Variants in POU2F1 observed in about 807,000 individuals in gnomAD.
The protein encoded by POU2F1 is POU class 2 homeobox 1.
POU2F1 carries 16 observed loss-of-function variants against 84.9 expected under a neutral mutation model. The ratio of observed to expected loss-of-function variants is 0.19; its 90% CI spans 0.13 to 0.29. POU2F1 has a LOEUF of 0.29. POU2F1 is among the 10% of genes least tolerant of loss of function. POU2F1 has a pLI of 1.00. For synonymous variants in POU2F1, 368 were observed against 368.3 expected (o/e 1.00, Z 0.01); for missense variants, 738 against 942.6 (o/e 0.78, Z 2.84).
intron 1 of POU2F1, among the ~76,000 whole-genome samples, chr1:167,290,661 G>A (rs1241036778): frequency 6.6e-6 from 1 of 152,206 alleles, no homozygotes; most frequent in South Asian, 2.1e-4. Flanking sequence ...GTGAGTGAAT[G>A]TGTGAACATT....
At chr1:167,282,440 G>A (rs1440697222) in intron 1 of POU2F1, among the ~76,000 whole-genome samples, 2 of 152,094 alleles carry the variant, frequency 1.3e-5, no homozygotes, top group Non-Finnish European at 1.5e-5. Flanking sequence ...TACCGCGCCT[G>A]GCCAAAAATT....
chr1:167,351,813 C>G (rs1384147968), intron 2 of POU2F1, among the ~76,000 whole-genome samples: 8 of 152,128 alleles, frequency 5.3e-5, no homozygotes, highest in African/African-American at 1.9e-4. Context: ...TGACTCTCCT[C>G]TCCTCCCTCC....
intron 12 of POU2F1, 36 bp from the exon 13 acceptor site, chr1:167,401,415 A>T: frequency 7.0e-7 from 1 of 1,425,448 alleles, no homozygotes; most frequent in Non-Finnish European, 9.8e-7. Flanking sequence ...TTTTGATTTT[A>T]AGTGCTTTGT....
chr1:167,302,885 T>C (rs1251393700), intron 1 of POU2F1, among the ~76,000 whole-genome samples: 4 of 152,234 alleles, frequency 2.6e-5, no homozygotes. Context: ...ATTCTATCGA[T>C]GAGGATTCTG....
rs567459164 is a variant in POU2F1 at position 167,317,750 on chromosome 1, A to G, written c.62-14720A>G. ...ACCAACAACCTTCAGCATTGGCATC[A>G]TAGCCATCACAAGCATGTCACAGTG... On this transcript the variant is annotated intron_variant, in intron 1 of 15. Transcript: ENST00000367866. 2.6e-5 allele frequency among the ~76,000 whole-genome samples: 4 copies of G among 152,340 alleles called. No individual in the cohort carries two copies. In the South Asian group the frequency reaches 8.3e-4, roughly 32 times the overall value.
chr1:167,287,813 G>A (rs1295876757), intron 1 of POU2F1, among the ~76,000 whole-genome samples: 1 of 152,130 alleles, frequency 6.6e-6, no homozygotes, highest in Admixed American at 6.5e-5. Flanking sequence ...CTCCAAGCGA[G>A]ATAGGTAAAA....
intron 1 of POU2F1, 134 bp downstream of exon 1, chr1:167,221,092 A>AGATGGGGGGCC: frequency 1.2e-6 from 1 of 841,972 alleles, no homozygotes; most frequent in Admixed American, 2.2e-5. Flanking sequence ...GGGGCCGGGG[A>AGATGGGGGGCC]GCATTGAGCC....
intron 1 of POU2F1, among the ~76,000 whole-genome samples, chr1:167,229,482 C>T (rs111892142): frequency 3.3e-5 from 5 of 152,196 alleles, no homozygotes; most frequent in African/African-American, 1.2e-4. Flanking sequence ...TATGCTCATG[C>T]CACTGTGCGT....
chr1:167,349,990 A>G (rs1658449416), intron 2 of POU2F1, among the ~76,000 whole-genome samples: 1 of 152,248 alleles, frequency 6.6e-6, no homozygotes, highest in African/African-American at 2.4e-5. Flanking sequence ...AAGATTTAAG[A>G]AAACAGCTGA....
intron 13 of POU2F1, among the ~76,000 whole-genome samples, chr1:167,404,377 C>T (rs1649412335): frequency 6.6e-6 from 1 of 152,086 alleles, no homozygotes; most frequent in African/African-American, 2.4e-5. Flanking sequence ...AGTCCCCTCC[C>T]CTGAATGGAA....
chr1:167,243,498 G>A (rs540317713), intron 1 of POU2F1, among the ~76,000 whole-genome samples: 15 of 151,868 alleles, frequency 9.9e-5, no homozygotes, highest in Admixed American at 5.9e-4. Flanking sequence ...TTTTTGAGAC[G>A]GAGTCTCGCT....
chr1:167,264,425 A>G (rs1350205124), intron 1 of POU2F1, among the ~76,000 whole-genome samples: 3 of 152,306 alleles, frequency 2.0e-5, no homozygotes, highest in Admixed American at 1.3e-4. Flanking sequence ...TATTTTGATT[A>G]CTGAGGAGTA....
intron 1 of POU2F1, among the ~76,000 whole-genome samples, chr1:167,267,875 C>T (rs1271952651): frequency 2.6e-5 from 4 of 152,016 alleles, no homozygotes; most frequent in African/African-American, 9.7e-5. Context: ...CTCCTGACCT[C>T]ATGATCTGCC....
intron 1 of POU2F1, among the ~76,000 whole-genome samples, chr1:167,275,031 T>A (rs1557862062): frequency 3.3e-5 from 4 of 120,540 alleles, no homozygotes. Context: ...CAAATAAATG[T>A]ATTTTTTTTT....
At chr1:167,278,655 G>A (rs1438976702) in intron 1 of POU2F1, among the ~76,000 whole-genome samples, 1 of 152,160 alleles carries the variant, frequency 6.6e-6, no homozygotes, top group Non-Finnish European at 1.5e-5. Context: ...TGTTCAGATT[G>A]TCTGGGAACT....
chr1:167,275,158 G>A (rs1652641121), intron 1 of POU2F1, among the ~76,000 whole-genome samples: 2 of 150,960 alleles, frequency 1.3e-5, no homozygotes, highest in African/African-American at 2.4e-5. Flanking sequence ...CCCAGTAGCT[G>A]AGACTACAGG....
At chr1:167,265,192 G>A (rs1213664509) in intron 1 of POU2F1, among the ~76,000 whole-genome samples, 1 of 152,218 alleles carries the variant, frequency 6.6e-6, no homozygotes, top group East Asian at 1.9e-4. Flanking sequence ...GCTTGGTGGA[G>A]TCTAGAGTAG....
rs1243946239 is a variant in POU2F1, at chr1:167,423,082, C to G, written c.*7272C>G. On this transcript the variant is annotated 3_prime_UTR_variant, in exon 16 of 16. Coordinates refer to ENST00000367866, the MANE Select transcript of POU2F1 (RefSeq NM_002697.4). ...TTTATCTAATACTTTTAAATAGAAC[C>G]AACACAGCCTATATGAGTTCAGACA... 6.6e-6 allele frequency: 1 copy of G among 152,108 alleles called. No individual in the cohort carries two copies. The highest frequency in any genetic ancestry group is 1.5e-5 in the Non-Finnish European group (1 of 68,022). 9.4% of individuals were successfully genotyped at this position (152,108 alleles called of 1,614,324 possible).
chr1:167,359,688 T>C (rs182751616), intron 2 of POU2F1, among the ~76,000 whole-genome samples: 19 of 152,284 alleles, frequency 1.2e-4, no homozygotes, highest in Non-Finnish European at 2.2e-4. Flanking sequence ...TTTCTTTGGG[T>C]ATATATCCAG....
Sources: allele counts gnomAD v4.1 joint callset (sites outside exome capture counted in the v4.1 genomes callset), GRCh38; gene constraint gnomAD v4.1.1; transcripts MANE v1.5; gene names NCBI Gene and HGNC (gene_info 2026-07-23, HGNC 2026-07-21).